Variants in HNRNPUL2 observed in about 807,000 individuals in gnomAD.
HNRNPUL2 encodes heterogeneous nuclear ribonucleoprotein U-like protein 2.
A neutral mutation model predicts 102.2 loss-of-function variants in HNRNPUL2; 27 were observed. The observed-to-expected ratio is 0.26, with a 90% confidence interval of 0.19 to 0.36. The LOEUF is 0.36. Ranked by LOEUF, HNRNPUL2 falls within the 10% of genes least tolerant of loss-of-function variation. HNRNPUL2 has a pLI of 1.00. For synonymous variants in HNRNPUL2, 458 were observed against 387.2 expected, an observed-to-expected ratio of 1.18 and a Z score of -2.15; for missense variants, 936 against 981.1, an observed-to-expected ratio of 0.95 and a Z score of 0.61.
chr11:62,717,032 T>G lies in HNRNPUL2; in HGVS notation c.1938A>C (p.Arg646=). The part of the protein sequence containing the change: ...SEKRTNRRNN[R]NKRNRQNRSR... ...TTCGGTTCTGCCGGTTACGCTTGTT[T>G]CGGTTGTTTCGGCGATTTGTCCGCT... is the stretch of plus-strand genomic sequence containing the variant. The change falls in exon 11 of 14, where the codon CGA becomes CGC. Residue 646 remains arginine, a synonymous_variant. Coordinates refer to ENST00000301785, the MANE Select transcript of HNRNPUL2 (RefSeq NM_001079559.3). 1 of 1,613,884 alleles carries G rather than the reference T, an allele frequency of 6.2e-7. No homozygotes were observed. The highest frequency in any genetic ancestry group is 8.5e-7 in the Non-Finnish European group (1 of 1,179,988).
chr11:62,727,155 A>ATCGCCGCCGCCGCCT lies in HNRNPUL2; in HGVS notation c.-14_1dup (p.Arg1_?0). On this transcript the variant is annotated start_lost and start_retained_variant, in exon 1 of 14. Coordinates refer to ENST00000301785, the MANE Select transcript of HNRNPUL2 (RefSeq NM_001079559.3). ...GGTCACTTTCAGCCGCTTCACCTCC[A>ATCGCCGCCGCCGCCT]TCGCCGCCGCCGCCTCCTCCGCCTC... 1 of 1,416,540 alleles carries ATCGCCGCCGCCGCCT rather than the reference A, an allele frequency of 7.1e-7. No homozygotes were observed. Among genetic ancestry groups the ATCGCCGCCGCCGCCT allele is most frequent in the Non-Finnish European group, 9.2e-7 (1 of 1,085,658 alleles). The allele number at this position is 1,416,540 out of a possible 1,614,324, so 87.7% of individuals were successfully genotyped here. A position where few individuals can be genotyped will look rare whatever the true frequency, so the allele number is the denominator to read the frequency against.
intron 6 of HNRNPUL2, 51 bp downstream of exon 6, chr11:62,722,550 G>A: frequency 6.7e-7 from 1 of 1,484,132 alleles, no homozygotes; most frequent in Non-Finnish European, 9.4e-7. Context: ...TGAATTCCCA[G>A]TGCCCTCTAT....
rs768574111 is a variant in HNRNPUL2 at position 62,722,821 on chromosome 11, G to T, written c.974C>A (p.Pro325Gln). ...TAAAGAAATAACTTTACCAAGCTGT[G>T]GACGGGAAAAATCAACAGACCACCC... is the stretch of plus-strand genomic sequence containing the variant. ...RVGWSVDFSR[P>Q]QLGEDEFSYG... The change falls in exon 5 of 14, where the codon CCA becomes CAA. Residue 325 changes from proline to glutamine, a missense_variant. This residue lies in a region of HNRNPUL2 where 609 missense variants were observed against 713.0 expected (regional missense o/e 0.85). Transcript: ENST00000301785. The T allele has an allele frequency of 6.2e-7, 1 of 1,613,920 alleles. No homozygotes were observed. The highest frequency in any genetic ancestry group is 1.1e-5 in the South Asian group (1 of 91,084).
intron 3 of HNRNPUL2, 86 bp from the exon 4 acceptor site, chr11:62,723,812 G>A: frequency 6.3e-7 from 1 of 1,598,950 alleles, no homozygotes; most frequent in Admixed American, 1.7e-5. Flanking sequence ...TTGTTGTAGT[G>A]GATACAAAGT....
In HNRNPUL2 at chr11:62,727,100, G is replaced by T; in HGVS notation, c.57C>A (p.Gly19=). The T allele has an allele frequency of 1.4e-6, 2 of 1,447,804 alleles. No individual in the cohort carries two copies. The allele number at this position is 1,447,804 out of a possible 1,614,324, so 89.7% of individuals were successfully genotyped here. ...CCACCTTGAGGCCGCGCGAGTCCAGGCCCCGCCGCTGCAGCTCCGACCGCA... is the reference window on the plus strand; with the variant it reads ...CCACCTTGAGGCCGCGCGAGTCCAGTCCCCGCCGCTGCAGCTCCGACCGCA... ...TELRSELQRR[G]LDSRGLKVDL... is the part of the protein sequence containing the mutation. The change falls in exon 1 of 14, where the codon GGC becomes GGA. Residue 19 remains glycine (G), a synonymous_variant. Transcript: ENST00000301785.
At chr11:62,719,201 G>C (rs1486892966) in intron 10 of HNRNPUL2, among the ~76,000 whole-genome samples, 1 of 152,122 alleles carries the variant, frequency 6.6e-6, no homozygotes, top group Non-Finnish European at 1.5e-5. Context: ...TATAATCTAA[G>C]CACTTTAGGA....
In HNRNPUL2 at chr11:62,721,774, A is replaced by G. The variant is rs142518409; in HGVS notation, c.1482+46T>C. On this transcript the variant is annotated intron_variant, in intron 8 of 13. Transcript: ENST00000301785. ...AATTCTCCATTAAAGATAGGTTATA[A>G]GAGTCTCCAAATACTGTATCCGACA... 8.4e-5 allele frequency: 134 copies of G among 1,600,314 alleles called. 2 individuals are homozygous for G. The South Asian group carries it at 1.4e-3, about 16-fold the overall frequency.
In HNRNPUL2 at chr11:62,714,373, G is replaced by GT. The variant is rs936593339; in HGVS notation, c.*925dup. 17 of 152,168 alleles carry GT rather than the reference G, an allele frequency of 1.1e-4. No homozygotes were observed. Among genetic ancestry groups the GT allele is most frequent in the African/African-American group, 3.6e-4 (15 of 41,418 alleles). 9.4% of individuals were successfully genotyped at this position (152,168 alleles called of 1,614,324 possible). ...TGAGAAACGTTCCTTCTCTCGCACT[G>GT]TAAGAGGACAGACACTCTAACAGGG... On this transcript the variant is annotated 3_prime_UTR_variant, in exon 14 of 14. Transcript: ENST00000301785.
chr11:62,726,758 C>A lies in HNRNPUL2; in HGVS notation c.399G>T (p.Glu133Asp). 6.2e-7 allele frequency: 1 copy of A among 1,601,072 alleles called. No homozygotes were observed. Among genetic ancestry groups the A allele is most frequent in the Non-Finnish European group, 8.5e-7 (1 of 1,179,594 alleles). ...TTACCCCGCCTGACCCGGCCGTGGC[C>A]TCCGCCGGCTTCTCGGAAGCATCTG... The part of the protein sequence containing the change: ...AEPDASEKPA[E>D]ATAGSGGVNG... Residue 133 changes from glutamate (E) to aspartate (D), a missense_variant, in exon 1 of 14, where the codon GAG (glutamate) becomes GAT (aspartate). Glu to Asp is a conservative substitution (Grantham distance 45). Around this residue, in one of 2 missense-constraint regions of HNRNPUL2, gnomAD observed 327 missense variants for 268.1 expected, o/e 1.22. Coordinates refer to ENST00000301785, the MANE Select transcript of HNRNPUL2 (RefSeq NM_001079559.3).
In HNRNPUL2 at chr11:62,713,258, C is replaced by A. The variant is rs1489839515; in HGVS notation, c.*2041G>T. ...TACAAGAAAGATGCTATTTGCAGGA[C>A]TAAACATCTGAAAAGGGGTGGCAGC... On this transcript the variant is annotated 3_prime_UTR_variant, in exon 14 of 14. Transcript: ENST00000301785. 1.3e-5 allele frequency: 2 copies of A among 152,160 alleles called. No individual in the cohort carries two copies. Among genetic ancestry groups the A allele is most frequent in the African/African-American group, 4.8e-5 (2 of 41,426 alleles). 9.4% of individuals were successfully genotyped at this position (152,160 alleles called of 1,614,324 possible).
chr11:62,720,006 TG>T lies in HNRNPUL2; in HGVS notation c.1780+16del. 1 of 1,610,986 alleles carries T rather than the reference TG, an allele frequency of 6.2e-7. No individual in the cohort carries two copies. Among genetic ancestry groups the T allele is most frequent in the Non-Finnish European group, 8.5e-7 (1 of 1,177,314 alleles). ...GGTATTCTGTTATAGCAGCAGAAAA[TG>T]GACTAAGACACCCACCTTTCATCTC... is the stretch of plus-strand genomic sequence containing the variant. On this transcript the variant is annotated intron_variant, in intron 10 of 13. Coordinates refer to ENST00000301785, the MANE Select transcript of HNRNPUL2 (RefSeq NM_001079559.3).
intron 2 of HNRNPUL2, 106 bp from the exon 3 acceptor site, chr11:62,724,096 A>G: frequency 8.3e-7 from 1 of 1,200,670 alleles, no homozygotes; most frequent in South Asian, 1.3e-5. Context: ...GTGAATATCA[A>G]ATCCCAGCAG....
intron 8 of HNRNPUL2, 46 bp downstream of exon 8, chr11:62,721,772 TAA>T: frequency 6.3e-7 from 1 of 1,598,708 alleles, no homozygotes; most frequent in Non-Finnish European, 8.6e-7. Context: ...AGATAGGTTA[TAA>T]GAGTCTCCAA....
intron 13 of HNRNPUL2, 58 bp from the exon 14 acceptor site, chr11:62,715,437 A>AT (rs1457060045): frequency 2.5e-6 from 4 of 1,571,496 alleles, no homozygotes; most frequent in African/African-American, 1.4e-5. Context: ...ATGAAGAGGC[A>AT]TAACACTCAT....
chr11:62,713,475 T>C lies in HNRNPUL2; in HGVS notation c.*1824A>G, dbSNP rs1360516030. The C allele has an allele frequency of 2.0e-5, 3 of 152,146 alleles. No homozygotes were observed. The highest frequency in any genetic ancestry group is 7.2e-5 in the African/African-American group (3 of 41,420). The allele number at this position is 152,146 out of a possible 1,614,324, so 9.4% of individuals were successfully genotyped here. On this transcript the variant is annotated 3_prime_UTR_variant, in exon 14 of 14. Transcript: ENST00000301785. ...ACTCCACTGCCACACAGAAATCCAT[T>C]TGAGGACACCGCAGGGAAGCAGGTG...
In HNRNPUL2 at chr11:62,714,233, G is replaced by A. The variant is rs1439893115; in HGVS notation, c.*1066C>T. The A allele has an allele frequency of 6.9e-6, 1 of 144,974 alleles. No individual in the cohort carries two copies. The highest frequency in any genetic ancestry group is 1.5e-5 in the Non-Finnish European group (1 of 67,064). The allele number at this position is 144,974 out of a possible 1,614,324, so 9.0% of individuals were successfully genotyped here. On this transcript the variant is annotated 3_prime_UTR_variant, in exon 14 of 14. Coordinates refer to ENST00000301785, the MANE Select transcript of HNRNPUL2 (RefSeq NM_001079559.3). ...GCCCTCCACACTGTAGAAAATAGTTGCTAGTTGCTATTCTCAGCACCTGGG... is the reference window on the plus strand; with the variant it reads ...GCCCTCCACACTGTAGAAAATAGTTACTAGTTGCTATTCTCAGCACCTGGG...
rs1353618482 is a variant in HNRNPUL2, at chr11:62,726,888, A to G, written c.269T>C (p.Leu90Pro). The G allele has an allele frequency of 6.4e-7, 1 of 1,573,550 alleles. No homozygotes were observed. Among genetic ancestry groups the G allele is most frequent in the Non-Finnish European group, 8.6e-7 (1 of 1,169,388 alleles). Reference sequence around the variant, plus strand: ...GGGTGGCTCCTCGTCCTCGTCCTCAAGCAGCGCCTCCTCGTCCTCCTCCTC... The same window carrying G: ...GGGTGGCTCCTCGTCCTCGTCCTCAGGCAGCGCCTCCTCGTCCTCCTCCTC... Reference protein sequence around the residue: ...EEEEEDEEALLEDEDEEPPPA... With the variant: ...EEEEEDEEALPEDEDEEPPPA... The change falls in exon 1 of 14, where the codon CTT (leucine) becomes CCT (proline). Residue 90 changes from leucine to proline, a missense_variant. By Grantham distance (98) the Leu-to-Pro change is moderately conservative (BLOSUM62 -3). Around this residue, in one of 2 missense-constraint regions of HNRNPUL2, gnomAD observed 327 missense variants for 268.1 expected, o/e 1.22. Coordinates refer to ENST00000301785, the MANE Select transcript of HNRNPUL2 (RefSeq NM_001079559.3).
chr11:62,724,451 C>T, intron 1 of HNRNPUL2, 25 bp from the exon 2 acceptor site: 1 of 1,613,972 alleles, frequency 6.2e-7, no homozygotes, highest in Non-Finnish European at 8.5e-7. Context: ...GAAAGAAAAT[C>T]AGCAGTTTTC....
intron 1 of HNRNPUL2, among the ~76,000 whole-genome samples, chr11:62,725,880 G>A (rs1428260816): frequency 2.0e-5 from 3 of 152,216 alleles, no homozygotes; most frequent in South Asian, 2.1e-4. Flanking sequence ...GGAACCGAGG[G>A]ACCTGAAACG....
Sources: gnomAD v4.1 joint callset for allele counts (sites outside exome capture counted in the v4.1 genomes callset) on GRCh38, gnomAD v4.1.1 for gene constraint, gnomAD v4.1.1 regional missense constraint, MANE v1.5 for transcripts, NCBI Gene and HGNC (gene_info 2026-07-23, HGNC 2026-07-21) for gene names.